The following VAT1L variants were observed in gnomAD, a reference collection of about 807,000 sequenced individuals.
VAT1L encodes putative NADPH-dependent quinone oxidoreductase VAT1L.
A neutral mutation model predicts 44.1 loss-of-function variants in VAT1L; 34 were observed. That is an observed-to-expected ratio of 0.77 (90% CI 0.59 to 1.03). The LOEUF (loss-of-function observed/expected upper bound fraction) is 1.03. Ranked by LOEUF, VAT1L falls within the 50% of genes least tolerant of loss-of-function variation. The probability of loss-of-function intolerance (pLI) is 0.00; values close to 1 mark genes in which losing one functional copy is unlikely to be tolerated. For synonymous variants in VAT1L, 253 were observed against 202.2 expected (o/e 1.25, Z -2.13); for missense variants, 615 against 538.8 (o/e 1.14, Z -1.40).
intron 7 of VAT1L, among the ~76,000 whole-genome samples, chr16:77,950,392 G>A (rs1324830808): frequency 1.5e-5 from 2 of 135,998 alleles, no homozygotes; most frequent in Non-Finnish European, 3.1e-5. Context: ...CTGGGCGACA[G>A]AGCAAGATTC....
At chr16:77,829,667 A>G (rs2016558498) in intron 3 of VAT1L, among the ~76,000 whole-genome samples, 1 of 152,176 alleles carries the variant, frequency 6.6e-6, no homozygotes, top group Non-Finnish European at 1.5e-5. Context: ...AAAGTAACAA[A>G]ATAGGTAACA....
chr16:77,829,569 A>G (rs1339546152), intron 3 of VAT1L, among the ~76,000 whole-genome samples: 1 of 152,224 alleles, frequency 6.6e-6, no homozygotes. Flanking sequence ...TCCTCTGACA[A>G]TAGCATGACA....
In VAT1L at chr16:77,915,257, GTATTGTA is replaced by G. The variant is rs2017540551; in HGVS notation, c.1077+30460_1077+30466del. On this transcript the variant is annotated intron_variant, in intron 7 of 8. Coordinates refer to ENST00000302536, the MANE Select transcript of VAT1L (RefSeq NM_020927.3). The stretch of plus-strand genomic sequence containing the variant: ...GACTACATAGGCTTTACAGTAAAGA[GTATTGTA>G]TATTTTTATTACCATTCGTAAATTG... Among the ~76,000 whole-genome samples, 3 of 152,326 alleles carry G rather than the reference GTATTGTA, an allele frequency of 2.0e-5. No individual in the cohort carries two copies. In the South Asian group the frequency reaches 6.2e-4, roughly 32 times the overall value.
rs778861836 is a variant in VAT1L, at chr16:77,977,714, G to C, written c.*19G>C. On this transcript the variant is annotated 3_prime_UTR_variant, in exon 9 of 9. Transcript: ENST00000302536. ...CCAGTAACTGAGGACCCAGGTGGGA[G>C]AATGTGAAGGATGGTTTGGAAGATG... 2.5e-6 allele frequency: 4 copies of C among 1,610,026 alleles called. No individual in the cohort carries two copies. The African/African-American group carries it at 4.0e-5, about 16-fold the overall frequency.
intron 7 of VAT1L, among the ~76,000 whole-genome samples, chr16:77,926,976 C>A (rs1044718992): frequency 6.6e-6 from 1 of 152,144 alleles, no homozygotes; most frequent in African/African-American, 2.4e-5. Flanking sequence ...ACATATGCTA[C>A]CTCTCTGGTT....
intron 3 of VAT1L, among the ~76,000 whole-genome samples, chr16:77,844,469 C>A (rs557306998): frequency 6.6e-6 from 1 of 151,894 alleles, no homozygotes; most frequent in Non-Finnish European, 1.5e-5. Context: ...AGTGCAGTGG[C>A]GCTATCTCAG....
At chr16:77,925,171 G>A (rs1290180012) in intron 7 of VAT1L, among the ~76,000 whole-genome samples, 1 of 152,064 alleles carries the variant, frequency 6.6e-6, no homozygotes, top group Non-Finnish European at 1.5e-5. Context: ...GGCAAGCAAG[G>A]TACCTAGTGT....
intron 3 of VAT1L, among the ~76,000 whole-genome samples, chr16:77,844,247 C>A (rs2016735845): frequency 6.6e-6 from 1 of 152,066 alleles, no homozygotes; most frequent in African/African-American, 2.4e-5. Flanking sequence ...TAAACAGGTA[C>A]AGACTTTTTC....
intron 3 of VAT1L, among the ~76,000 whole-genome samples, chr16:77,836,809 T>G (rs2016644445): frequency 6.6e-6 from 1 of 152,246 alleles, no homozygotes; most frequent in African/African-American, 2.4e-5. Context: ...TCAAATGAAC[T>G]AACTTTATTA....
intron 6 of VAT1L, among the ~76,000 whole-genome samples, chr16:77,880,836 A>G (rs2017145571): frequency 6.6e-6 from 1 of 151,956 alleles, no homozygotes; most frequent in South Asian, 2.1e-4. Flanking sequence ...CACTTAGGAG[A>G]GAACATGCAG....
At chr16:77,928,263 C>G (rs939441386) in intron 7 of VAT1L, among the ~76,000 whole-genome samples, 1 of 152,158 alleles carries the variant, frequency 6.6e-6, no homozygotes, top group Admixed American at 6.5e-5. Context: ...AGGCTTCCCT[C>G]TAGCAAATGT....
chr16:77,885,241 T>A (rs909066113), intron 7 of VAT1L, among the ~76,000 whole-genome samples: 1 of 152,234 alleles, frequency 6.6e-6, no homozygotes, highest in Non-Finnish European at 1.5e-5. Context: ...GCTATCACGA[T>A]GGACTTTGGA....
intron 7 of VAT1L, among the ~76,000 whole-genome samples, chr16:77,963,199 T>C (rs1224920782): frequency 6.6e-6 from 1 of 152,176 alleles, no homozygotes; most frequent in Non-Finnish European, 1.5e-5. Context: ...CCCCAGAACC[T>C]GTGAATCTGG....
chr16:77,943,566 A>C (rs1703932793), intron 7 of VAT1L, among the ~76,000 whole-genome samples: 1 of 149,808 alleles, frequency 6.7e-6, no homozygotes, highest in Non-Finnish European at 1.5e-5. Context: ...CACCCGGCTA[A>C]TTTATTTTTG....
intron 7 of VAT1L, among the ~76,000 whole-genome samples, chr16:77,903,330 C>T (rs574929759): frequency 6.6e-5 from 10 of 152,062 alleles, no homozygotes; most frequent in Non-Finnish European, 1.2e-4. Context: ...CATTTGGAGT[C>T]CAAGGCTTAA....
At chr16:77,798,542 G>C (rs984075074) in intron 1 of VAT1L, among the ~76,000 whole-genome samples, 1 of 152,168 alleles carries the variant, frequency 6.6e-6, no homozygotes, top group African/African-American at 2.4e-5. Flanking sequence ...TAAATGAAGT[G>C]TGTGTGCCAT....
intron 1 of VAT1L, among the ~76,000 whole-genome samples, chr16:77,811,729 A>T (rs551402264): frequency 2.0e-5 from 3 of 152,192 alleles, no homozygotes; most frequent in Admixed American, 6.5e-5. Context: ...GCACCTAACC[A>T]TCTCTCAGGA....
intron 3 of VAT1L, 47 bp downstream of exon 3, chr16:77,825,508 G>T: frequency 6.5e-7 from 1 of 1,540,544 alleles, no homozygotes; most frequent in Non-Finnish European, 8.8e-7. Flanking sequence ...CATGATGGTG[G>T]AAGTGGAGTG....
At chr16:77,882,931 T>C (rs2017170171) in intron 6 of VAT1L, among the ~76,000 whole-genome samples, 1 of 152,152 alleles carries the variant, frequency 6.6e-6, no homozygotes, top group African/African-American at 2.4e-5. Context: ...CCATCAAAAC[T>C]GAAAGCCAAG....
Sources: allele counts gnomAD v4.1 joint callset (sites outside exome capture counted in the v4.1 genomes callset), GRCh38; gene constraint gnomAD v4.1.1; transcripts MANE v1.5; gene names NCBI Gene and HGNC (gene_info 2026-07-23, HGNC 2026-07-21).